ZC3H12B: variants seen among roughly 807,000 people sequenced by gnomAD.
ZC3H12B encodes the protein probable ribonuclease ZC3H12B.
In ZC3H12B, 7 loss-of-function variants were observed where a neutral mutation model predicts 43.9. The ratio of observed to expected loss-of-function variants is 0.16; its 90% CI spans 0.09 to 0.30. The LOEUF (loss-of-function observed/expected upper bound fraction) is 0.30. ZC3H12B is among the 10% of genes least tolerant of loss of function. The pLI, the probability that ZC3H12B is intolerant of heterozygous loss-of-function variation, is 1.00. For synonymous variants in ZC3H12B, 222 were observed against 241.7 expected (o/e 0.92, Z 0.76); for missense variants, 475 against 670.2 (o/e 0.71, Z 3.22).
intron 3 of ZC3H12B, among the ~76,000 whole-genome samples, chrX:65,474,448 G>T (rs1346892449): frequency 9.0e-6 from 1 of 110,589 alleles, no homozygotes; most frequent in Non-Finnish European, 1.9e-5. Flanking sequence ...CTATAATAAA[G>T]AAAAAAATCT....
At chrX:65,060,576 C>G in the ZC3H12B span, among the ~76,000 whole-genome samples, 2 of 111,855 alleles carry the variant, frequency 1.8e-5, no homozygotes, top group African/African-American at 6.5e-5. Context: ...AATGATCTTT[C>G]TAATGTATTG....
the ZC3H12B span, among the ~76,000 whole-genome samples, chrX:65,360,442 A>G: frequency 8.9e-6 from 1 of 112,502 alleles, no homozygotes; most frequent in Non-Finnish European, 1.9e-5. Context: ...AAATAAATGC[A>G]GGAAAAGAAG....
the ZC3H12B span, among the ~76,000 whole-genome samples, chrX:65,087,329 T>C: frequency 9.0e-6 from 1 of 111,681 alleles, no homozygotes; most frequent in Non-Finnish European, 1.9e-5. Context: ...TAGTACTGAG[T>C]TGTTTCAAAA....
At position 65,393,409 on chromosome X, in the gene ZC3H12B, C is replaced by T. The variant is rs962022362; in HGVS notation, n.296-5184C>T. Among the ~76,000 whole-genome samples, 8 of 110,978 alleles carry T rather than the reference C, an allele frequency of 7.2e-5. No homozygotes were observed. In the East Asian group the frequency reaches 1.1e-3, roughly 16 times the overall value. On this transcript the variant is annotated intron_variant and non_coding_transcript_variant, in intron 2 of 5. Coordinates refer to the ZC3H12B transcript ENST00000617377. The stretch of plus-strand genomic sequence containing the variant: ...AACCCGTCATCTAGGTTTTAAGCAC[C>T]GCATGCATTAGGTATTTGTCCTAAT...
At chrX:65,330,311 C>T in the ZC3H12B span, among the ~76,000 whole-genome samples, 2 of 111,540 alleles carry the variant, frequency 1.8e-5, no homozygotes, top group Non-Finnish European at 3.8e-5. Flanking sequence ...TGGGCTGAGA[C>T]AGTGGGGTTT....
the ZC3H12B span, among the ~76,000 whole-genome samples, chrX:65,105,215 G>C: frequency 3.7e-5 from 4 of 109,371 alleles, no homozygotes; most frequent in Non-Finnish European, 7.6e-5. Flanking sequence ...AGAACACATG[G>C]ACACCGCAAG....
the ZC3H12B span, among the ~76,000 whole-genome samples, chrX:65,125,916 T>C: frequency 2.7e-5 from 3 of 111,273 alleles, no homozygotes; most frequent in East Asian, 8.5e-4. Context: ...TGAATTGTTA[T>C]CTGTTCCTCC....
chrX:65,368,187 G>GT lies in ZC3H12B; in HGVS notation n.126-635dup, dbSNP rs1184898073. Among the ~76,000 whole-genome samples, 19 of 111,697 alleles carry GT rather than the reference G, an allele frequency of 1.7e-4. No homozygotes were observed. In the East Asian group the frequency reaches 3.1e-3, roughly 18 times the overall value. ...AAGGGATGGCTATTCTTATTCAAGT[G>GT]TTTTTTTGTTTGTATGTTTCTGTCA... On this transcript the variant is annotated intron_variant and non_coding_transcript_variant, in intron 1 of 5. Transcript: ENST00000617377.
chrX:65,043,718 T>C, the ZC3H12B span, among the ~76,000 whole-genome samples: 1 of 111,516 alleles, frequency 9.0e-6, no homozygotes, highest in Non-Finnish European at 1.9e-5. Flanking sequence ...GAAACCGAAA[T>C]AATATCAGAA....
chrX:65,386,851 G>T (rs1230641105), intron 2 of ZC3H12B, among the ~76,000 whole-genome samples: 1 of 111,231 alleles, frequency 9.0e-6, no homozygotes, highest in Non-Finnish European at 1.9e-5. Flanking sequence ...TTGTGTCTTT[G>T]TTCTCGTTGG....
chrX:65,067,506 G>A, the ZC3H12B span, among the ~76,000 whole-genome samples: 1 of 110,127 alleles, frequency 9.1e-6, no homozygotes, highest in Non-Finnish European at 1.9e-5. Flanking sequence ...GATGAACCGT[G>A]TACCTCAGTT....
chrX:65,233,428 A>C, the ZC3H12B span, among the ~76,000 whole-genome samples: 1 of 111,317 alleles, frequency 9.0e-6, no homozygotes, highest in East Asian at 2.8e-4. Flanking sequence ...TAAAACTACA[A>C]ATCAATAATA....
the ZC3H12B span, among the ~76,000 whole-genome samples, chrX:65,145,319 G>A: frequency 9.2e-6 from 1 of 108,361 alleles, no homozygotes; most frequent in Non-Finnish European, 1.9e-5. Flanking sequence ...CCTCTTGCAT[G>A]ATGTCTTTTT....
chrX:65,114,637 C>T, the ZC3H12B span, among the ~76,000 whole-genome samples: 1 of 110,479 alleles, frequency 9.1e-6, no homozygotes, highest in African/African-American at 3.3e-5. Flanking sequence ...TTTTCTTTGT[C>T]CATCTTGATT....
the ZC3H12B span, among the ~76,000 whole-genome samples, chrX:65,057,307 T>C: frequency 1.8e-5 from 2 of 111,569 alleles, no homozygotes; most frequent in East Asian, 5.6e-4. Context: ...AGCATTTGCT[T>C]GTCTGTAAAG....
At chrX:65,203,427 G>A in the ZC3H12B span, among the ~76,000 whole-genome samples, 1 of 110,866 alleles carries the variant, frequency 9.0e-6, no homozygotes, top group Admixed American at 9.7e-5. Context: ...GGGCCCAAGG[G>A]CTCTTCAGTC....
intron 3 of ZC3H12B, among the ~76,000 whole-genome samples, chrX:65,409,315 T>C (rs1018647619): frequency 2.7e-5 from 3 of 111,040 alleles, no homozygotes; most frequent in African/African-American, 9.8e-5. Context: ...AAAAGCCATA[T>C]ATGACAGCTC....
chrX:65,164,157 T>C, the ZC3H12B span, among the ~76,000 whole-genome samples: 2 of 111,010 alleles, frequency 1.8e-5, no homozygotes, highest in Non-Finnish European at 3.8e-5. Context: ...CTCCAAGAAG[T>C]TGGAGGCTAG....
the ZC3H12B span, chrX:65,328,521 CTT>C: frequency 2.2e-5 from 4 of 183,111 alleles, no homozygotes; most frequent in South Asian, 8.9e-5. Flanking sequence ...TCCTCATTTT[CTT>C]TTTTTTTTAT....
Sources: allele counts gnomAD v4.1 joint callset (sites outside exome capture counted in the v4.1 genomes callset), GRCh38; gene constraint gnomAD v4.1.1; transcripts MANE v1.5; gene names NCBI Gene and HGNC (gene_info 2026-07-23, HGNC 2026-07-21).